The following RNF175 variants were observed in gnomAD, a reference collection of about 807,000 sequenced individuals.
The protein encoded by RNF175 is ring finger protein 175.
Under a neutral mutation model 50.0 loss-of-function variants are expected in RNF175, and 38 were observed. That is an observed-to-expected ratio of 0.76 (90% CI 0.59 to 1.00). The LOEUF (loss-of-function observed/expected upper bound fraction) is 1.00, where lower values mean the gene tolerates loss of function less well. RNF175 is among the 50% of genes least tolerant of loss of function. RNF175 has a pLI of 0.00. For synonymous variants in RNF175, 155 were observed against 146.1 expected, an observed-to-expected ratio of 1.06 and a Z score of -0.44; for missense variants, 388 against 409.6, an observed-to-expected ratio of 0.95 and a Z score of 0.46.
intron 8 of RNF175, 35 bp from the exon 9 acceptor site, chr4:153,710,524 G>C: frequency 6.3e-7 from 1 of 1,594,642 alleles, no homozygotes; most frequent in South Asian, 1.1e-5. Flanking sequence ...TCTATATACA[G>C]CCAAGTAGCA....
intron 4 of RNF175, among the ~76,000 whole-genome samples, chr4:153,727,109 A>G (rs970815720): frequency 6.6e-6 from 1 of 152,196 alleles, no homozygotes; most frequent in Non-Finnish European, 1.5e-5. Flanking sequence ...AGGGGATGAA[A>G]ACAAGCACAT....
intron 4 of RNF175, 143 bp from the exon 5 acceptor site, chr4:153,723,601 CAG>C: frequency 1.7e-6 from 1 of 585,068 alleles, no homozygotes. Context: ...TTATAACACA[CAG>C]AACACAGATG....
chr4:153,751,951 C>T lies in RNF175; in HGVS notation c.67-476G>A, dbSNP rs146506180. Among the ~76,000 whole-genome samples, 4 of 152,200 alleles carry T rather than the reference C, an allele frequency of 2.6e-5. No individual in the cohort carries two copies. In the East Asian group the frequency reaches 5.8e-4, roughly 22 times the overall value. On this transcript the variant is annotated intron_variant, in intron 1 of 8. Transcript: ENST00000347063. ...TTTCAGAGACAGAGCTGAGCAGAGG[C>T]TCCGTTGATTTGGAGCATTCTTGTA...
At chr4:153,746,494 G>C (rs1560792519) in intron 3 of RNF175, among the ~76,000 whole-genome samples, 1 of 151,694 alleles carries the variant, frequency 6.6e-6, no homozygotes, top group Non-Finnish European at 1.5e-5. Context: ...GGCTGGAGTT[G>C]CATGCTGCAT....
chr4:153,723,981 C>T (rs1738512109), intron 4 of RNF175, among the ~76,000 whole-genome samples: 2 of 152,180 alleles, frequency 1.3e-5, no homozygotes, highest in African/African-American at 4.8e-5. Flanking sequence ...CATCCCATGT[C>T]CCCTCCACCC....
intron 7 of RNF175, chr4:153,715,149 T>C: frequency 3.0e-6 from 1 of 335,110 alleles, no homozygotes; most frequent in East Asian, 7.5e-5. Context: ...TAGTCTTAAG[T>C]TCCCCCCTGC....
intron 6 of RNF175, among the ~76,000 whole-genome samples, chr4:153,716,063 C>CAAAA (rs35531787): frequency 1.4e-4 from 13 of 94,196 alleles, no homozygotes; most frequent in African/African-American, 3.9e-4. Flanking sequence ...GACTCTGTCT[C>CAAAA]AAAAAAAAAA....
chr4:153,726,623 A>G (rs1233813162), intron 4 of RNF175, among the ~76,000 whole-genome samples: 1 of 152,230 alleles, frequency 6.6e-6, no homozygotes, highest in Non-Finnish European at 1.5e-5. Context: ...CCTAGCCTGT[A>G]ATGAAATCCT....
chr4:153,742,754 A>T (rs1455206565), intron 3 of RNF175, among the ~76,000 whole-genome samples: 1 of 151,658 alleles, frequency 6.6e-6, no homozygotes, highest in African/African-American at 2.4e-5. Context: ...GGTAATGTAC[A>T]GAAAGCACTT....
chr4:153,759,346 G>A (rs867519416), intron 1 of RNF175, among the ~76,000 whole-genome samples: 3 of 152,154 alleles, frequency 2.0e-5, no homozygotes, highest in Admixed American at 6.5e-5. Flanking sequence ...TCGAGTTTGA[G>A]AACCAGGGCG....
chr4:153,727,609 G>A (rs1201797603), intron 4 of RNF175: 4 of 152,152 alleles, frequency 2.6e-5, no homozygotes, highest in Non-Finnish European at 5.9e-5. Context: ...TGAGGATATG[G>A]ATTTTATCCA....
At chr4:153,732,874 T>C (rs1345293978) in intron 3 of RNF175, among the ~76,000 whole-genome samples, 4 of 152,228 alleles carry the variant, frequency 2.6e-5, no homozygotes, top group African/African-American at 7.2e-5. Context: ...AAAATTCAAA[T>C]ACCCGGATGC....
In RNF175 at chr4:153,723,349, A is replaced by G. The variant is rs769453121; in HGVS notation, c.509+2T>C. The G allele has an allele frequency of 8.3e-6, 12 of 1,444,108 alleles. No homozygotes were observed. The Admixed American group carries it at 1.9e-4, about 22-fold the overall frequency. The allele number at this position is 1,444,108 out of a possible 1,614,324, so 89.5% of individuals were successfully genotyped here. A position where few individuals can be genotyped will look rare whatever the true frequency, so the allele number is the denominator to read the frequency against. On this transcript the variant is annotated splice_donor_variant, in intron 5 of 8. Transcript: ENST00000347063. LOFTEE classifies it high-confidence loss of function. The stretch of plus-strand genomic sequence containing the variant: ...ATTAATGTCTTAATTGGAGATACTT[A>G]CTTGAAAAACAGATTGAATCCACAC...
chr4:153,742,191 T>C (rs1739699588), intron 3 of RNF175, among the ~76,000 whole-genome samples: 1 of 150,364 alleles, frequency 6.7e-6, no homozygotes, highest in African/African-American at 2.5e-5. Flanking sequence ...GGAGAATCTC[T>C]TGAACCTGGG....
intron 3 of RNF175, among the ~76,000 whole-genome samples, chr4:153,735,500 A>G (rs964567674): frequency 6.6e-6 from 1 of 152,048 alleles, no homozygotes; most frequent in African/African-American, 2.4e-5. Flanking sequence ...TGTGTTGTCT[A>G]TTGTGGGTCC....
Position 153,751,428 on chromosome 4 carries a change from A to G in RNF175, c.104+10T>C, listed in dbSNP as rs1165325622. ...AGCAAAACAACTCTTAAAAAATACT[A>G]ATTACTTACTTCCATGTGTCTTCTG... On this transcript the variant is annotated intron_variant, in intron 2 of 8. Transcript: ENST00000347063. 1.3e-6 allele frequency: 2 copies of G among 1,526,552 alleles called. No homozygotes were observed. The highest frequency in any genetic ancestry group is 1.8e-6 in the Non-Finnish European group (2 of 1,127,444). The allele number at this position is 1,526,552 out of a possible 1,614,324, so 94.6% of individuals were successfully genotyped here.
At chr4:153,757,302 C>G (rs532173078) in intron 1 of RNF175, among the ~76,000 whole-genome samples, 19 of 152,276 alleles carry the variant, frequency 1.2e-4, no homozygotes, top group African/African-American at 4.1e-4. Flanking sequence ...CCTCATCCCC[C>G]CACTGAATCC....
At chr4:153,733,314 A>G (rs947642153) in intron 3 of RNF175, among the ~76,000 whole-genome samples, 1 of 152,214 alleles carries the variant, frequency 6.6e-6, no homozygotes, top group African/African-American at 2.4e-5. Context: ...ATAAATAATA[A>G]TACATGCAGT....
At chr4:153,736,273 T>C (rs183839355) in intron 3 of RNF175, among the ~76,000 whole-genome samples, 1 of 152,380 alleles carries the variant, frequency 6.6e-6, no homozygotes, top group East Asian at 1.9e-4. Flanking sequence ...TAAATTGATT[T>C]TTAATTGTTG....
Sources: gnomAD v4.1 joint callset for allele counts (sites outside exome capture counted in the v4.1 genomes callset) on GRCh38, gnomAD v4.1.1 for gene constraint, MANE v1.5 for transcripts, NCBI Gene and HGNC (gene_info 2026-07-23, HGNC 2026-07-21) for gene names.